Variants in F8 observed in about 807,000 individuals in gnomAD.
F8 encodes the protein coagulation factor VIII.
F8 carries 12 observed loss-of-function variants against 140.6 expected under a neutral mutation model. The observed-to-expected ratio is 0.09, with a 90% CI of 0.05 to 0.14. The LOEUF is 0.14. Among genes scored for constraint, F8 ranks in the 10% least tolerant of loss-of-function variants. The probability of loss-of-function intolerance (pLI) is 1.00; values close to 1 mark genes in which losing one functional copy is unlikely to be tolerated. For missense variants in F8, 1,354 were observed against 1,720.7 expected (o/e 0.79, Z 3.77); for synonymous variants, 585 against 614.6 (o/e 0.95, Z 0.71).
intron 25 of F8, among the ~76,000 whole-genome samples, chrX:154,845,970 C>A (rs2072562762): frequency 8.9e-6 from 1 of 112,144 alleles, no homozygotes; most frequent in Non-Finnish European, 1.9e-5. Flanking sequence ...TTAAATGTGT[C>A]CCAGAGATTC....
At chrX:154,981,102 G>A (rs1321093683) in intron 6 of F8, among the ~76,000 whole-genome samples, 1 of 111,716 alleles carries the variant, frequency 9.0e-6, no homozygotes, top group Non-Finnish European at 1.9e-5. Context: ...GGCCATACGG[G>A]AGAGTTTTCC....
intron 6 of F8, among the ~76,000 whole-genome samples, chrX:154,982,030 A>AG (rs1557283658): frequency 1.8e-5 from 2 of 109,948 alleles, no homozygotes; most frequent in Admixed American, 1.9e-4. Flanking sequence ...CTAAAACTAC[A>AG]AAAATTAGGT....
chrX:154,994,158 G>T (rs1026432812), intron 3 of F8, among the ~76,000 whole-genome samples: 3 of 112,284 alleles, frequency 2.7e-5, no homozygotes, highest in African/African-American at 9.7e-5. Context: ...TTAATATAAA[G>T]AATTTAATAT....
chrX:154,978,407 T>C (rs1372240836), intron 6 of F8, among the ~76,000 whole-genome samples: 1 of 111,884 alleles, frequency 8.9e-6, no homozygotes, highest in African/African-American at 3.2e-5. Context: ...AGGCATGTGA[T>C]GTGAAACAAA....
chrX:154,969,156 G>A (rs1557282297), intron 7 of F8, among the ~76,000 whole-genome samples, 175 bp downstream of exon 7: 1 of 111,276 alleles, frequency 9.0e-6, no homozygotes, highest in Non-Finnish European at 1.9e-5. Context: ...TTATAGTCAA[G>A]GTAAAAACTT....
chrX:154,914,118 A>C (rs1158295846), intron 14 of F8, among the ~76,000 whole-genome samples: 1 of 112,918 alleles, frequency 8.9e-6, no homozygotes, highest in African/African-American at 3.2e-5. Flanking sequence ...CACAGAACAA[A>C]GGCTGGGGGC....
At chrX:154,932,722 C>A (rs2073204511) in intron 13 of F8, among the ~76,000 whole-genome samples, 1 of 111,319 alleles carries the variant, frequency 9.0e-6, no homozygotes, top group Non-Finnish European at 1.9e-5. Flanking sequence ...AGGAGTATCT[C>A]AAACAAGAGT....
At chrX:154,943,693 A>T (rs1159544991) in intron 13 of F8, among the ~76,000 whole-genome samples, 2 of 111,639 alleles carry the variant, frequency 1.8e-5, no homozygotes, top group African/African-American at 6.5e-5. Context: ...GAAACCAAAA[A>T]AGAGCCCGCA....
At chrX:154,976,041 G>A (rs1264770815) in intron 6 of F8, among the ~76,000 whole-genome samples, 2 of 110,575 alleles carry the variant, frequency 1.8e-5, no homozygotes, top group Non-Finnish European at 3.8e-5. Flanking sequence ...GACTACAGGC[G>A]CCTGCCACCA....
At position 154,862,477 on chromosome X, in the gene F8, G is replaced by C. The variant is rs2072700703; in HGVS notation, c.6574+606C>G. On this transcript the variant is annotated intron_variant, in intron 23 of 25. Coordinates refer to ENST00000360256, the MANE Select transcript of F8 (RefSeq NM_000132.4). ...CATGGGTAAATTGCATGTCACTGAG[G>C]CTTGGTGTATGAATGATCCCCTCAC... Among the ~76,000 whole-genome samples the C allele has an allele frequency of 3.6e-5, 4 of 111,137 alleles. No individual in the cohort carries two copies. In the Admixed American group the frequency reaches 3.8e-4, roughly 11 times the overall value.
intron 2 of F8, 107 bp from the exon 3 acceptor site, chrX:154,997,202 A>G: frequency 1.1e-6 from 1 of 946,865 alleles, no homozygotes; most frequent in South Asian, 2.0e-5. Context: ...ATGCCCCTGT[A>G]ATTACTGACA....
Position 154,930,970 on chromosome X carries a change from T to C in F8, c.2820A>G (p.Leu940=). The C allele has an allele frequency of 8.4e-7, 1 of 1,195,508 alleles. No individual in the cohort carries two copies. The change falls in exon 14 of 26, where the codon CTA becomes CTG. Residue 940 remains leucine, a synonymous_variant. Transcript: ENST00000360256. ...TAAGGGGAGATGACTTTTTGCCAAATAGAGTGGTATCTAATTGACTATCAT... is the reference window on the plus strand; with the variant it reads ...TAAGGGGAGATGACTTTTTGCCAAACAGAGTGGTATCTAATTGACTATCAT... The part of the protein sequence containing the change: ...VHYDSQLDTT[L]FGKKSSPLTE...
chrX:154,910,392 G>C (rs1412457131), intron 14 of F8, among the ~76,000 whole-genome samples: 3 of 100,324 alleles, frequency 3.0e-5, no homozygotes, highest in Non-Finnish European at 6.1e-5. Flanking sequence ...GGACACAGGA[G>C]GGGGAACATC....
chrX:154,858,000 A>G (rs1377217716), intron 25 of F8, among the ~76,000 whole-genome samples: 1 of 111,763 alleles, frequency 8.9e-6, no homozygotes, highest in African/African-American at 3.3e-5. Context: ...TTAGCCAGGC[A>G]TGGTGATGCG....
At chrX:154,956,568 C>A (rs1288044529) in intron 11 of F8, among the ~76,000 whole-genome samples, 5 of 112,172 alleles carry the variant, frequency 4.5e-5, no homozygotes, top group Admixed American at 1.9e-4. Context: ...TCCCTGACTT[C>A]CTGCAACAGT....
At chrX:154,858,510 T>C (rs1569559297) in intron 25 of F8, among the ~76,000 whole-genome samples, 1 of 112,169 alleles carries the variant, frequency 8.9e-6, no homozygotes, top group Non-Finnish European at 1.9e-5. Context: ...TATGGAAGAG[T>C]GTGTCTGGAA....
chrX:155,020,771 C>A (rs1367659310), intron 1 of F8, among the ~76,000 whole-genome samples: 6 of 111,912 alleles, frequency 5.4e-5, no homozygotes, highest in Non-Finnish European at 9.4e-5. Context: ...AAAAATAACA[C>A]AATGAAAGTA....
Position 154,929,592 on chromosome X carries a change from G to A in F8, c.4198C>T (p.Pro1400Ser), listed in dbSNP as rs1557278482. 1.7e-6 allele frequency: 2 copies of A among 1,211,121 alleles called. No homozygotes were observed. The highest frequency in any genetic ancestry group is 2.2e-6 in the Non-Finnish European group (2 of 895,163). The change falls in exon 14 of 26, where the codon CCT becomes TCT. Residue 1400 changes from proline (P) to serine (S), a missense_variant. By Grantham distance (74) the Pro-to-Ser change is moderately conservative. This residue lies in a region of F8 where 658 missense variants were observed against 666.5 expected (regional missense o/e 0.99). Transcript: ENST00000360256. ...SDCLTRSHSI[P>S]QANRSPLPIA... ...GGTAATGGAGATCTATTTGCTTGAG[G>A]GATGCTATGACTCCTCGTAAGGCAA...
intron 13 of F8, among the ~76,000 whole-genome samples, chrX:154,939,631 C>T (rs1432676449): frequency 2.7e-5 from 3 of 112,629 alleles, no homozygotes; most frequent in Non-Finnish European, 5.6e-5. Context: ...CCTCTGCAGA[C>T]TTAAATGTCC....
Sources: gnomAD v4.1 joint callset for allele counts (sites outside exome capture counted in the v4.1 genomes callset) on GRCh38, gnomAD v4.1.1 for gene constraint, gnomAD v4.1.1 regional missense constraint, MANE v1.5 for transcripts, NCBI Gene and HGNC (gene_info 2026-07-23, HGNC 2026-07-21) for gene names.